The following RALYL variants were observed in gnomAD, a reference collection of about 807,000 sequenced individuals.
The protein encoded by RALYL is RNA-binding Raly-like protein.
A neutral mutation model predicts 35.1 loss-of-function variants in RALYL; 29 were observed. The observed-to-expected ratio is 0.83, with a 90% CI of 0.61 to 1.13. The LOEUF (loss-of-function observed/expected upper bound fraction) is 1.13. Ranked by LOEUF, RALYL falls within the 50% of genes most tolerant of loss-of-function variation. RALYL has a pLI of 0.00. For missense variants in RALYL, 359 were observed against 360.4 expected (o/e 1.00, Z 0.03); for synonymous variants, 120 against 127.6 (o/e 0.94, Z 0.40).
At chr8:84,398,576 T>G (rs1319675789) in intron 1 of RALYL, among the ~76,000 whole-genome samples, 1 of 152,152 alleles carries the variant, frequency 6.6e-6, no homozygotes, top group Non-Finnish European at 1.5e-5. Context: ...TTTAAACACT[T>G]AGCTCATGGA....
At chr8:84,327,466 A>G (rs1353245845) in intron 1 of RALYL, among the ~76,000 whole-genome samples, 1 of 152,104 alleles carries the variant, frequency 6.6e-6, no homozygotes, top group Non-Finnish European at 1.5e-5. Context: ...TTTGAATTTC[A>G]ACGTATGGAC....
chr8:84,238,207 A>G (rs1273158537), intron 1 of RALYL, among the ~76,000 whole-genome samples: 1 of 152,110 alleles, frequency 6.6e-6, no homozygotes, highest in African/African-American at 2.4e-5. Context: ...GTTTTCAGAC[A>G]GTACGACATT....
chr8:84,716,870 A>G (rs141566473), intron 2 of RALYL, among the ~76,000 whole-genome samples: 133 of 152,322 alleles, frequency 8.7e-4, no homozygotes, highest in African/African-American at 3.1e-3. Context: ...AAACTTGAGT[A>G]TCTAGGAAAA....
chr8:84,331,460 A>G (rs1228049821), intron 1 of RALYL, among the ~76,000 whole-genome samples: 1 of 152,090 alleles, frequency 6.6e-6, no homozygotes, highest in African/African-American at 2.4e-5. Context: ...TAAAATAATT[A>G]CTATCTTAGA....
chr8:84,769,314 C>T (rs1266065251), intron 2 of RALYL, among the ~76,000 whole-genome samples: 2 of 152,164 alleles, frequency 1.3e-5, no homozygotes, highest in Non-Finnish European at 2.9e-5. Context: ...TTCCTCTACT[C>T]AGAACCCTAA....
At chr8:84,252,983 G>A (rs955671876) in intron 1 of RALYL, among the ~76,000 whole-genome samples, 8 of 151,818 alleles carry the variant, frequency 5.3e-5, no homozygotes, top group Admixed American at 3.9e-4. Flanking sequence ...AATTTATATT[G>A]TAGGTTTAGT....
At position 84,556,328 on chromosome 8, in the gene RALYL, C is replaced by G. The variant is rs1035574403; in HGVS notation, c.256+26751C>G. ...AGTTTTACATTAAGCATCTCAATAC[C>G]TAAAATAAAGCTGTGAGATAAGCAT... On this transcript the variant is annotated intron_variant, in intron 2 of 8. Coordinates refer to ENST00000521268, the MANE Select transcript of RALYL (RefSeq NM_173848.7). Among the ~76,000 whole-genome samples the G allele has an allele frequency of 2.6e-5, 4 of 152,122 alleles. No individual in the cohort carries two copies. In the South Asian group the frequency reaches 8.3e-4, roughly 32 times the overall value.
chr8:84,311,498 A>T (rs7003114), intron 1 of RALYL, among the ~76,000 whole-genome samples: 3,090 of 152,244 alleles, frequency 0.02, 114 homozygotes, highest in African/African-American at 0.07. Context: ...ATTTTTTACT[A>T]TGGTAGCAAA....
chr8:84,577,995 T>C (rs943781115), intron 2 of RALYL, among the ~76,000 whole-genome samples: 2 of 152,206 alleles, frequency 1.3e-5, no homozygotes, highest in Non-Finnish European at 2.9e-5. Context: ...TGCCTTTGCC[T>C]GAGTTTTTGC....
At chr8:84,552,104 C>G (rs895863410) in intron 2 of RALYL, among the ~76,000 whole-genome samples, 2 of 140,380 alleles carry the variant, frequency 1.4e-5, no homozygotes, top group Admixed American at 7.4e-5. Flanking sequence ...CTGTCAGAAA[C>G]TTTTAGGAGA....
intron 1 of RALYL, among the ~76,000 whole-genome samples, chr8:84,190,691 A>G (rs1445564414): frequency 6.6e-6 from 1 of 152,188 alleles, no homozygotes; most frequent in East Asian, 1.9e-4. Context: ...TTCAATTTTG[A>G]ACATAGTAAT....
intron 1 of RALYL, among the ~76,000 whole-genome samples, chr8:84,328,113 TTATTGGGAA>T: frequency 6.6e-6 from 1 of 152,288 alleles, no homozygotes; most frequent in Admixed American, 6.5e-5. Flanking sequence ...GTAACATTAA[TTATTGGGAA>T]TTATATTGGC....
intron 8 of RALYL, among the ~76,000 whole-genome samples, chr8:84,891,848 C>A (rs1410383033): frequency 1.3e-5 from 2 of 152,070 alleles, no homozygotes; most frequent in African/African-American, 4.8e-5. Flanking sequence ...CAAATATTTT[C>A]TTTTTAGGTA....
chr8:84,743,707 T>C lies in RALYL; in HGVS notation c.257-30872T>C, dbSNP rs184331942. ...ACAAGACAATGTCTAGAAATTAATATGTACTTTTTAGTCAACATTAAAAGG... is the reference window on the plus strand; with the variant it reads ...ACAAGACAATGTCTAGAAATTAATACGTACTTTTTAGTCAACATTAAAAGG... On this transcript the variant is annotated intron_variant, in intron 2 of 8. Coordinates refer to ENST00000521268, the MANE Select transcript of RALYL (RefSeq NM_173848.7). Among the ~76,000 whole-genome samples the C allele has an allele frequency of 1.6e-4, 24 of 152,170 alleles. No individual in the cohort carries two copies. The East Asian group carries it at 4.4e-3, about 28-fold the overall frequency.
intron 1 of RALYL, among the ~76,000 whole-genome samples, chr8:84,487,159 T>G (rs901699921): frequency 1.3e-5 from 2 of 152,134 alleles, no homozygotes; most frequent in African/African-American, 2.4e-5. Context: ...TGATACATAA[T>G]AAAACATGAC....
At chr8:84,251,742 A>C (rs1830232656) in intron 1 of RALYL, among the ~76,000 whole-genome samples, 1 of 152,062 alleles carries the variant, frequency 6.6e-6, no homozygotes, top group Admixed American at 6.5e-5. Context: ...TTACTGTCAC[A>C]GCTGATAGGC....
intron 2 of RALYL, among the ~76,000 whole-genome samples, chr8:84,757,833 G>T (rs548141647): frequency 6.6e-6 from 1 of 152,220 alleles, no homozygotes; most frequent in Admixed American, 6.5e-5. Context: ...TAGGCTGGAA[G>T]TCATTAAGCT....
At position 84,248,635 on chromosome 8, in the gene RALYL, A is replaced by G. The variant is rs373216143; in HGVS notation, c.-24+64211A>G. On this transcript the variant is annotated intron_variant, in intron 1 of 8. Coordinates refer to ENST00000521268, the MANE Select transcript of RALYL (RefSeq NM_173848.7). The stretch of plus-strand genomic sequence containing the variant: ...ACATTGTGAGGCTGTAGATGGAGAA[A>G]ACATTCTTCCTCTCACTCTTCTTTC... Among the ~76,000 whole-genome samples the G allele has an allele frequency of 2.3e-4, 35 of 152,192 alleles. No homozygotes were observed. In the South Asian group the frequency reaches 6.8e-3, roughly 30 times the overall value.
intron 1 of RALYL, among the ~76,000 whole-genome samples, chr8:84,396,765 T>C (rs1861832394): frequency 6.6e-6 from 1 of 151,856 alleles, no homozygotes; most frequent in Admixed American, 6.6e-5. Context: ...GTGTGAGATA[T>C]AGTTTTAGAA....
Sources: gnomAD v4.1 joint callset for allele counts (sites outside exome capture counted in the v4.1 genomes callset) on GRCh38, gnomAD v4.1.1 for gene constraint, MANE v1.5 for transcripts, NCBI Gene and HGNC (gene_info 2026-07-23, HGNC 2026-07-21) for gene names.